The following SORCS1 variants were observed in gnomAD, a reference collection of about 807,000 sequenced individuals.
SORCS1 encodes VPS10 domain-containing receptor SorCS1.
In SORCS1, 60 loss-of-function variants were observed where a neutral mutation model predicts 146.1. That is an observed-to-expected ratio of 0.41 (90% confidence interval 0.33 to 0.51). SORCS1 has a LOEUF of 0.51. Ranked by LOEUF, SORCS1 falls within the 20% of genes least tolerant of loss-of-function variation. SORCS1 has a pLI of 0.21. For synonymous variants in SORCS1, 637 were observed against 584.0 expected, an observed-to-expected ratio of 1.09 and a Z score of -1.31; for missense variants, 1,352 against 1,487.6, an observed-to-expected ratio of 0.91 and a Z score of 1.50.
At chr10:107,105,600 G>C (rs2134413947) in intron 1 of SORCS1, among the ~76,000 whole-genome samples, 1 of 152,194 alleles carries the variant, frequency 6.6e-6, no homozygotes, top group South Asian at 2.1e-4. Flanking sequence ...TGATGTTCGA[G>C]GGCAGGATGC....
intron 1 of SORCS1, among the ~76,000 whole-genome samples, chr10:106,976,333 G>GTTTTTTTTTGTTTT (rs1554901319): frequency 1.8e-5 from 2 of 113,808 alleles, no homozygotes; most frequent in African/African-American, 3.9e-5. Context: ...AGGTTTTTTT[G>GTTTTTTTTTGTTTT]TTTTTTTTTT....
At chr10:107,020,962 C>T (rs756540450) in intron 1 of SORCS1, among the ~76,000 whole-genome samples, 1 of 150,804 alleles carries the variant, frequency 6.6e-6, no homozygotes, top group Non-Finnish European at 1.5e-5. Context: ...ACTTTCTCCA[C>T]TTTTTTTTTA....
intron 1 of SORCS1, among the ~76,000 whole-genome samples, chr10:107,080,637 G>T (rs1336321006): frequency 1.3e-5 from 2 of 152,180 alleles, no homozygotes; most frequent in Non-Finnish European, 2.9e-5. Context: ...CAATAAGAAA[G>T]TATTGCACTT....
rs1445854232 is a variant in SORCS1 at position 106,653,024 on chromosome 10, A to C, written c.2304-471T>G. 5.9e-5 allele frequency among the ~76,000 whole-genome samples: 9 copies of C among 152,348 alleles called. No individual in the cohort carries two copies. In the East Asian group the frequency reaches 1.7e-3, roughly 29 times the overall value. ...GACTCAACATTCACAGATCTCATAG[A>C]GACTGCTACAGTAATGGTGTAGCAC... On this transcript the variant is annotated intron_variant, in intron 17 of 25. Transcript: ENST00000263054.
chr10:106,768,025 A>G (rs1438477493), intron 4 of SORCS1, among the ~76,000 whole-genome samples: 1 of 152,136 alleles, frequency 6.6e-6, no homozygotes, highest in African/African-American at 2.4e-5. Flanking sequence ...AAACTGTTCC[A>G]GGTAGCAATT....
rs532723220 is a variant in SORCS1, at chr10:106,994,130, A to G, written c.559-37550T>C. Reference sequence around the variant, plus strand: ...AAATTCATAATTCATGGTCTTAGTAAAAACAATAAACCCACTTTGCTATTA... The same window carrying G: ...AAATTCATAATTCATGGTCTTAGTAGAAACAATAAACCCACTTTGCTATTA... On this transcript the variant is annotated intron_variant, in intron 1 of 25. Coordinates refer to ENST00000263054, the MANE Select transcript of SORCS1 (RefSeq NM_052918.5). 2.6e-5 allele frequency among the ~76,000 whole-genome samples: 4 copies of G among 151,962 alleles called. No homozygotes were observed. In the South Asian group the frequency reaches 8.3e-4, roughly 31 times the overall value.
intron 1 of SORCS1, among the ~76,000 whole-genome samples, chr10:107,109,221 T>TG (rs1965511224): frequency 6.6e-6 from 1 of 152,148 alleles, no homozygotes; most frequent in Non-Finnish European, 1.5e-5. Flanking sequence ...GAGGACTCCG[T>TG]GGGGGGCCTC....
chr10:107,120,978 A>G (rs1254464660), intron 1 of SORCS1, among the ~76,000 whole-genome samples: 1 of 152,138 alleles, frequency 6.6e-6, no homozygotes, highest in Non-Finnish European at 1.5e-5. Context: ...ATATGCCAAA[A>G]TGCAGAGGAT....
At chr10:107,103,374 T>C (rs1009861766) in intron 1 of SORCS1, among the ~76,000 whole-genome samples, 4 of 152,214 alleles carry the variant, frequency 2.6e-5, no homozygotes, top group African/African-American at 9.7e-5. Flanking sequence ...GGTTTATTAA[T>C]ATATGCTCTC....
At chr10:107,143,356 C>A (rs1031400165) in intron 1 of SORCS1, among the ~76,000 whole-genome samples, 1 of 152,154 alleles carries the variant, frequency 6.6e-6, no homozygotes, top group African/African-American at 2.4e-5. Flanking sequence ...GAGTCAGGGT[C>A]TGGCTCTATC....
At chr10:106,611,754 C>T (rs1564775187) in intron 22 of SORCS1, among the ~76,000 whole-genome samples, 157 bp downstream of exon 22, 1 of 152,222 alleles carries the variant, frequency 6.6e-6, no homozygotes, top group Non-Finnish European at 1.5e-5. Context: ...GTGTGGGGCT[C>T]AGCTTTGCAG....
At chr10:106,950,326 C>T (rs775371355) in intron 2 of SORCS1, among the ~76,000 whole-genome samples, 2 of 152,220 alleles carry the variant, frequency 1.3e-5, no homozygotes, top group African/African-American at 2.4e-5. Flanking sequence ...AGGCTTACAG[C>T]CCTAGGACAT....
At chr10:107,037,859 CT>C in intron 1 of SORCS1, among the ~76,000 whole-genome samples, 1 of 152,312 alleles carries the variant, frequency 6.6e-6, no homozygotes, top group Non-Finnish European at 1.5e-5. Context: ...CTAGGACTCA[CT>C]CTGTTGCCAA....
At chr10:107,061,339 C>G (rs1425188878) in intron 1 of SORCS1, among the ~76,000 whole-genome samples, 2 of 152,226 alleles carry the variant, frequency 1.3e-5, no homozygotes, top group East Asian at 3.9e-4. Flanking sequence ...AACTACATAT[C>G]TAATTAAAAT....
intron 5 of SORCS1, among the ~76,000 whole-genome samples, chr10:106,760,166 C>T (rs984267295): frequency 2.6e-5 from 4 of 151,982 alleles, no homozygotes; most frequent in African/African-American, 9.7e-5. Context: ...AGGAAGAGGC[C>T]GGGCGTGATG....
At chr10:106,979,428 C>T (rs891912218) in intron 1 of SORCS1, among the ~76,000 whole-genome samples, 9 of 152,048 alleles carry the variant, frequency 5.9e-5, no homozygotes, top group African/African-American at 2.2e-4. Flanking sequence ...ATGAACTGAC[C>T]AGCAAACAAC....
chr10:106,891,796 A>T (rs1951247869), intron 2 of SORCS1, among the ~76,000 whole-genome samples: 1 of 152,132 alleles, frequency 6.6e-6, no homozygotes, highest in South Asian at 2.1e-4. Context: ...AAACCAATCC[A>T]TTTTTAGTTT....
chr10:107,074,103 G>A (rs1962676261), intron 1 of SORCS1, among the ~76,000 whole-genome samples: 1 of 152,092 alleles, frequency 6.6e-6, no homozygotes, highest in South Asian at 2.1e-4. Context: ...TCCATTCTAT[G>A]CATTTGGACA....
intron 21 of SORCS1, among the ~76,000 whole-genome samples, chr10:106,613,190 T>C (rs1847124478): frequency 6.6e-6 from 1 of 152,216 alleles, no homozygotes; most frequent in African/African-American, 2.4e-5. Flanking sequence ...AGGGATTTTC[T>C]TCATTGTCTC....
Sources: gnomAD v4.1 joint callset for allele counts (sites outside exome capture counted in the v4.1 genomes callset) on GRCh38, gnomAD v4.1.1 for gene constraint, MANE v1.5 for transcripts, NCBI Gene and HGNC (gene_info 2026-07-23, HGNC 2026-07-21) for gene names.